Variants in MAN1B1 observed in about 807,000 individuals in gnomAD.
MAN1B1 encodes endoplasmic reticulum mannosyl-oligosaccharide 1,2-alpha-mannosidase.
In MAN1B1, 66 loss-of-function variants were observed where a neutral mutation model predicts 75.5. The ratio of observed to expected loss-of-function variants is 0.87; its 90% CI spans 0.72 to 1.07. The LOEUF (loss-of-function observed/expected upper bound fraction) is 1.07, where lower values mean the gene tolerates loss of function less well. Among genes scored for constraint, MAN1B1 ranks in the 50% least tolerant of loss-of-function variants. MAN1B1 has a pLI of 0.00. For missense variants in MAN1B1, 973 were observed against 912.5 expected (o/e 1.07, Z -0.85); for synonymous variants, 453 against 382.8 (o/e 1.18, Z -2.14).
chr9:137,089,359 A>AG (rs1830461694), intron 3 of MAN1B1: 1 of 361,210 alleles, frequency 2.8e-6, no homozygotes, highest in Admixed American at 4.0e-5. Flanking sequence ...GGAAAAGAGC[A>AG]GGGCGCTGGT....
Position 137,109,107 on chromosome 9 carries a change from C to T in MAN1B1, c.*516C>T, listed in dbSNP as rs911726990. 12 of 455,126 alleles carry T rather than the reference C, an allele frequency of 2.6e-5. No homozygotes were observed. The highest frequency in any genetic ancestry group is 2.1e-4 in the Admixed American group (9 of 42,564). The allele number at this position is 455,126 out of a possible 1,614,324, so 28.2% of individuals were successfully genotyped here. On this transcript the variant is annotated 3_prime_UTR_variant, in exon 13 of 13. Coordinates refer to ENST00000371589, the MANE Select transcript of MAN1B1 (RefSeq NM_016219.5). ...CCCGCAGGGGGCTTGGAGGGCTGGA[C>T]GGCAAGTCCGTCTAGCTCACGGGCC...
intron 1 of MAN1B1, chr9:137,087,662 C>T: frequency 2.5e-6 from 1 of 404,236 alleles, no homozygotes; most frequent in Non-Finnish European, 4.7e-6. Flanking sequence ...GACTGTGCAT[C>T]GCCTGGGCGG....
At chr9:137,089,214 G>A (rs1015813646) in intron 3 of MAN1B1, 2 of 651,802 alleles carry the variant, frequency 3.1e-6, no homozygotes. Context: ...GCCAGTTCCG[G>A]TTTTACTTCT....
intron 8 of MAN1B1, 127 bp from the exon 9 acceptor site, chr9:137,105,998 A>C: frequency 1.3e-6 from 1 of 780,886 alleles, no homozygotes; most frequent in Non-Finnish European, 2.2e-6. Flanking sequence ...GGCTGGGCAC[A>C]GAGCTCTCTC....
chr9:137,096,356 C>T lies in MAN1B1; in HGVS notation c.585C>T (p.Pro195=), dbSNP rs765068446. 1 of 1,613,910 alleles carries T rather than the reference C, an allele frequency of 6.2e-7. No homozygotes were observed. Among genetic ancestry groups the T allele is most frequent in the Non-Finnish European group, 8.5e-7 (1 of 1,180,010 alleles). The change falls in exon 4 of 13, where the codon CCC becomes CCT. Residue 195 remains proline (P), a synonymous_variant. Transcript: ENST00000371589. ...AAAGGCAAGAAGCCCCTGTGGATCC[C>T]CGCCCGGAAGGAGATCCGCAGAGGA... is the stretch of plus-strand genomic sequence containing the variant. The part of the protein sequence containing the change: ...ATKRQEAPVD[P]RPEGDPQRTV...
chr9:137,107,370 A>G lies in MAN1B1; in HGVS notation c.1687A>G (p.Met563Val), dbSNP rs770987752. Residue 563 changes from methionine to valine, a missense_variant, in exon 11 of 13, where the codon ATG becomes GTG. Coordinates refer to ENST00000371589, the MANE Select transcript of MAN1B1 (RefSeq NM_016219.5). ...METCYQMNRQ[M>V]ETGLSPEIVH... ...GACTTGTTACCAGATGAACCGGCAG[A>G]TGGAGACGGGGCTGAGTCCCGAGAT... is the stretch of plus-strand genomic sequence containing the variant. 10 of 1,613,248 alleles carry G rather than the reference A, an allele frequency of 6.2e-6. No homozygotes were observed. Among genetic ancestry groups the G allele is most frequent in the South Asian group, 1.1e-5 (1 of 91,090 alleles).
chr9:137,101,809 C>G, intron 8 of MAN1B1, 137 bp downstream of exon 8: 2 of 1,050,580 alleles, frequency 1.9e-6, no homozygotes, highest in Non-Finnish European at 2.8e-6. Context: ...ACAAAACGCA[C>G]CACCTTAACC....
chr9:137,107,836 C>A, intron 12 of MAN1B1, 174 bp downstream of exon 12: 1 of 808,978 alleles, frequency 1.2e-6, no homozygotes, highest in Non-Finnish European at 2.1e-6. Context: ...CTGGCATCCC[C>A]ATCCCCACTG....
At position 137,101,023 on chromosome 9, in the gene MAN1B1, A is replaced by G. The variant is rs769237461; in HGVS notation, c.935A>G (p.Lys312Arg). The G allele has an allele frequency of 1.2e-6, 2 of 1,614,214 alleles. No homozygotes were observed. The highest frequency in any genetic ancestry group is 4.5e-5 in the East Asian group (2 of 44,888). Reference sequence around the variant, plus strand: ...GTCATAGAATTTGAGGAAGCCAGGAAGTGGGTGTCGAAGAAGTTACACTTT... The same window carrying G: ...GTCATAGAATTTGAGGAAGCCAGGAGGTGGGTGTCGAAGAAGTTACACTTT... ...GLRKEFEEAR[K>R]WVSKKLHFEK... The change falls in exon 7 of 13, where the codon AAG becomes AGG. Residue 312 changes from lysine (K) to arginine (R), a missense_variant. Transcript: ENST00000371589.
chr9:137,089,024 GTGGGGTTAT>G lies in MAN1B1; in HGVS notation c.465+20_465+28del. On this transcript the variant is annotated intron_variant, in intron 3 of 12. Coordinates refer to ENST00000371589, the MANE Select transcript of MAN1B1 (RefSeq NM_016219.5). ...GTCACAGGTACTTTGAGCAAATGGTGTGGGGTTATAACTGGGGTTCAATCCAGAGGCATT... is the reference window on the plus strand; with the variant it reads ...GTCACAGGTACTTTGAGCAAATGGTGAACTGGGGTTCAATCCAGAGGCATT... The G allele has an allele frequency of 6.2e-7, 1 of 1,613,848 alleles. No homozygotes were observed. The highest frequency in any genetic ancestry group is 8.5e-7 in the Non-Finnish European group (1 of 1,179,908).
chr9:137,108,664 G>T lies in MAN1B1; in HGVS notation c.*73G>T. ...GCTGGGTCTGTGGCATTTTCCAAGG[G>T]CCCACGTAGCACCGGCAACCGCCAA... On this transcript the variant is annotated 3_prime_UTR_variant, in exon 13 of 13. Transcript: ENST00000371589. The T allele has an allele frequency of 7.0e-7, 1 of 1,431,244 alleles. No homozygotes were observed. 88.7% of individuals were successfully genotyped at this position (1,431,244 alleles called of 1,614,324 possible).
chr9:137,087,011 C>G lies in MAN1B1; in HGVS notation c.12C>G (p.Cys4Trp), dbSNP rs899060282. 2 of 1,597,048 alleles carry G rather than the reference C, an allele frequency of 1.3e-6. No individual in the cohort carries two copies. Among genetic ancestry groups the G allele is most frequent in the Non-Finnish European group, 1.7e-6 (2 of 1,173,870 alleles). MAACEGRRSGALGS... is the reference protein window; with the variant it reads MAAWEGRRSGALGS... ...TTGACGGCGCTGCGATGGCTGCCTGCGAGGGCAGGAGAAGCGGAGCTCTCG... is the reference window on the plus strand; with the variant it reads ...TTGACGGCGCTGCGATGGCTGCCTGGGAGGGCAGGAGAAGCGGAGCTCTCG... Residue 4 changes from cysteine to tryptophan, a missense_variant, in exon 1 of 13, where the codon TGC becomes TGG. By Grantham distance (215) the Cys-to-Trp change is radical (BLOSUM62 -2). Coordinates refer to ENST00000371589, the MANE Select transcript of MAN1B1 (RefSeq NM_016219.5).
intron 8 of MAN1B1, 142 bp from the exon 9 acceptor site, chr9:137,105,983 C>G (rs753167058): frequency 4.1e-6 from 3 of 738,546 alleles, no homozygotes; most frequent in Non-Finnish European, 7.2e-6. Flanking sequence ...GCAAGGACAG[C>G]TGTGGGCTGG....
At chr9:137,106,397 G>A (rs1163719250) in intron 9 of MAN1B1, 82 bp downstream of exon 9, 6 of 1,278,112 alleles carry the variant, frequency 4.7e-6, no homozygotes, top group East Asian at 2.6e-5. Context: ...CAGCTCCCAC[G>A]GCCCCCGCTC....
chr9:137,098,218 C>T (rs1384823034), intron 5 of MAN1B1, among the ~76,000 whole-genome samples: 2 of 152,240 alleles, frequency 1.3e-5, no homozygotes, highest in African/African-American at 2.4e-5. Context: ...GACTGCTGCC[C>T]GTGCTGTGTC....
At chr9:137,092,780 A>G (rs987365402) in intron 3 of MAN1B1, among the ~76,000 whole-genome samples, 2 of 152,218 alleles carry the variant, frequency 1.3e-5, no homozygotes, top group Non-Finnish European at 2.9e-5. Context: ...CCAATGCAAC[A>G]GTCAGAAACT....
chr9:137,099,800 A>G lies in MAN1B1; in HGVS notation c.835A>G (p.Arg279Gly). 1 of 1,614,228 alleles carries G rather than the reference A, an allele frequency of 6.2e-7. No homozygotes were observed. Among genetic ancestry groups the G allele is most frequent in the South Asian group, 1.1e-5 (1 of 91,090 alleles). Residue 279 changes from arginine to glycine, a missense_variant, in exon 6 of 13, where the codon AGG becomes GGG. By Grantham distance (125) the Arg-to-Gly change is moderately radical. Coordinates refer to ENST00000371589, the MANE Select transcript of MAN1B1 (RefSeq NM_016219.5). ...CCATGACGAGCTGAAGCCTGTGTCCAGGTCCTTCAGTGAGTGGTTTGGCCT... is the reference window on the plus strand; with the variant it reads ...CCATGACGAGCTGAAGCCTGTGTCCGGGTCCTTCAGTGAGTGGTTTGGCCT... ...WGHDELKPVS[R>G]SFSEWFGLGL...
intron 7 of MAN1B1, 114 bp from the exon 8 acceptor site, chr9:137,101,370 G>A: frequency 8.6e-7 from 1 of 1,166,520 alleles, no homozygotes; most frequent in Non-Finnish European, 1.3e-6. Flanking sequence ...CCGTTTCCTT[G>A]CTGCTGTGTT....
chr9:137,091,471 C>A (rs1031615802), intron 3 of MAN1B1, among the ~76,000 whole-genome samples: 5 of 151,774 alleles, frequency 3.3e-5, no homozygotes, highest in Non-Finnish European at 7.4e-5. Context: ...AGGCCAGATC[C>A]CTTTCTGTTA....
Sources: allele counts gnomAD v4.1 joint callset (sites outside exome capture counted in the v4.1 genomes callset), GRCh38; gene constraint gnomAD v4.1.1; transcripts MANE v1.5; gene names NCBI Gene and HGNC (gene_info 2026-07-23, HGNC 2026-07-21).